The following CACNA2D3 variants were observed in gnomAD, a reference collection of about 807,000 sequenced individuals.
CACNA2D3 encodes voltage-dependent calcium channel subunit alpha-2/delta-3.
CACNA2D3 carries 60 observed loss-of-function variants against 160.6 expected under a neutral mutation model. The ratio of observed to expected loss-of-function variants is 0.37; its 90% CI spans 0.30 to 0.46. The LOEUF is 0.46. CACNA2D3 is among the 20% of genes least tolerant of loss of function. The pLI is 1.00. For synonymous variants in CACNA2D3, 558 were observed against 492.9 expected (o/e 1.13, Z -1.75); for missense variants, 1,205 against 1,365.0 (o/e 0.88, Z 1.85).
chr3:54,725,495 A>G (rs1442883528), intron 11 of CACNA2D3, among the ~76,000 whole-genome samples: 1 of 152,234 alleles, frequency 6.6e-6, no homozygotes, highest in East Asian at 1.9e-4. Context: ...GCTCATTAAC[A>G]TTGATGCAAA....
intron 4 of CACNA2D3, among the ~76,000 whole-genome samples, chr3:54,426,741 C>A (rs1422831574): frequency 1.3e-5 from 2 of 152,110 alleles, no homozygotes; most frequent in Admixed American, 6.5e-5. Flanking sequence ...GCTGTCAAAT[C>A]TGAATTCTTA....
At chr3:54,812,408 C>T (rs537891049) in intron 13 of CACNA2D3, among the ~76,000 whole-genome samples, 2 of 152,132 alleles carry the variant, frequency 1.3e-5, no homozygotes, top group African/African-American at 4.8e-5. Flanking sequence ...GACAACTGAC[C>T]AGAGAAATAG....
intron 2 of CACNA2D3, among the ~76,000 whole-genome samples, chr3:54,160,221 G>A (rs1458687874): frequency 6.6e-6 from 1 of 152,220 alleles, no homozygotes; most frequent in African/African-American, 2.4e-5. Flanking sequence ...TGCTGGGGCC[G>A]GGTGCAGTGG....
intron 2 of CACNA2D3, among the ~76,000 whole-genome samples, chr3:54,157,326 C>T (rs972212771): frequency 9.9e-5 from 15 of 152,184 alleles, no homozygotes; most frequent in African/African-American, 2.7e-4. Context: ...AGGGCTTCAG[C>T]GTATGAATTT....
At chr3:54,865,898 C>T (rs1699391031) in intron 17 of CACNA2D3, among the ~76,000 whole-genome samples, 1 of 152,158 alleles carries the variant, frequency 6.6e-6, no homozygotes, top group Non-Finnish European at 1.5e-5. Flanking sequence ...AGTGCCCGTA[C>T]CTCCATCTTA....
chr3:54,978,170 A>G (rs989956780), intron 29 of CACNA2D3, among the ~76,000 whole-genome samples: 1 of 152,076 alleles, frequency 6.6e-6, no homozygotes, highest in African/African-American at 2.4e-5. Context: ...CTGACCTCCT[A>G]ACTCATCCTG....
chr3:54,882,393 A>T (rs1057062439), intron 21 of CACNA2D3, among the ~76,000 whole-genome samples: 1 of 152,110 alleles, frequency 6.6e-6, no homozygotes, highest in Non-Finnish European at 1.5e-5. Context: ...TCTCTCACAC[A>T]CACATACATA....
At chr3:54,917,214 G>A in intron 27 of CACNA2D3, among the ~76,000 whole-genome samples, 1 of 152,254 alleles carries the variant, frequency 6.6e-6, no homozygotes, top group Non-Finnish European at 1.5e-5. Flanking sequence ...TCCATGAAAG[G>A]TTCCTTTAAA....
intron 2 of CACNA2D3, among the ~76,000 whole-genome samples, chr3:54,314,343 A>G (rs879179122): frequency 6.6e-6 from 1 of 152,216 alleles, no homozygotes; most frequent in Non-Finnish European, 1.5e-5. Context: ...ATTTTCCGAT[A>G]GCGAATTGTG....
chr3:54,199,573 A>T (rs1701141520), intron 2 of CACNA2D3, among the ~76,000 whole-genome samples: 1 of 151,716 alleles, frequency 6.6e-6, no homozygotes. Context: ...GGGTTTTGCC[A>T]TGTTCCCCAG....
chr3:54,337,023 C>G (rs138733740), intron 3 of CACNA2D3, among the ~76,000 whole-genome samples: 21 of 152,078 alleles, frequency 1.4e-4, no homozygotes, highest in African/African-American at 4.8e-4. Context: ...TGATGATGTG[C>G]TAAGAGTATG....
chr3:54,564,701 C>T (rs1702381370), intron 6 of CACNA2D3, among the ~76,000 whole-genome samples: 1 of 152,112 alleles, frequency 6.6e-6, no homozygotes, highest in African/African-American at 2.4e-5. Context: ...GGCTTTGTAC[C>T]ACTATATGAG....
chr3:54,650,099 G>A (rs1403477141), intron 11 of CACNA2D3, among the ~76,000 whole-genome samples: 8 of 152,136 alleles, frequency 5.3e-5, no homozygotes, highest in East Asian at 3.9e-4. Context: ...GTTCTACTTC[G>A]TCTTCATTTC....
chr3:54,890,410 G>A (rs1476834078), intron 24 of CACNA2D3, among the ~76,000 whole-genome samples: 3 of 151,080 alleles, frequency 2.0e-5, no homozygotes, highest in South Asian at 2.1e-4. Context: ...GCAGGAGAAC[G>A]GCATGAACCC....
chr3:54,549,120 C>T (rs1360884611), intron 5 of CACNA2D3, among the ~76,000 whole-genome samples: 1 of 152,150 alleles, frequency 6.6e-6, no homozygotes, highest in Non-Finnish European at 1.5e-5. Flanking sequence ...ATATTAGAGG[C>T]AGGAGAGTCA....
intron 5 of CACNA2D3, among the ~76,000 whole-genome samples, chr3:54,555,210 T>G (rs1458970788): frequency 6.6e-6 from 1 of 152,028 alleles, no homozygotes; most frequent in Non-Finnish European, 1.5e-5. Context: ...ATGAATGGAG[T>G]AAGTAACAGC....
chr3:54,701,813 G>A (rs999421980), intron 11 of CACNA2D3, among the ~76,000 whole-genome samples: 1 of 152,064 alleles, frequency 6.6e-6, no homozygotes, highest in African/African-American at 2.4e-5. Context: ...AAAGAATAAA[G>A]CCCGAGACAT....
chr3:54,274,849 C>T (rs1179297109), intron 2 of CACNA2D3, among the ~76,000 whole-genome samples: 1 of 152,248 alleles, frequency 6.6e-6, no homozygotes, highest in East Asian at 1.9e-4. Context: ...TGCATGGCAG[C>T]TGGCTTCCAG....
chr3:54,393,368 G>C (rs1363433613), intron 4 of CACNA2D3, among the ~76,000 whole-genome samples: 1 of 152,132 alleles, frequency 6.6e-6, no homozygotes, highest in East Asian at 1.9e-4. Context: ...GACCCATGTG[G>C]GTACTGCACC....
Sources: allele counts gnomAD v4.1 joint callset (sites outside exome capture counted in the v4.1 genomes callset), GRCh38; gene constraint gnomAD v4.1.1; transcripts MANE v1.5; gene names NCBI Gene and HGNC (gene_info 2026-07-23, HGNC 2026-07-21).